The following ARHGAP42 variants were observed in gnomAD, a reference collection of about 807,000 sequenced individuals.
The protein encoded by ARHGAP42 is rho GTPase-activating protein 42.
Under a neutral mutation model 125.0 loss-of-function variants are expected in ARHGAP42, and 63 were observed. That is an observed-to-expected ratio of 0.50 (90% CI 0.41 to 0.62). ARHGAP42 has a LOEUF of 0.62. ARHGAP42 is among the 20% of genes least tolerant of loss of function. The probability of loss-of-function intolerance (pLI) is 0.00; values close to 1 mark genes in which losing one functional copy is unlikely to be tolerated. For missense variants in ARHGAP42, 766 were observed against 1,024.2 expected, an observed-to-expected ratio of 0.75 and a Z score of 3.44; for synonymous variants, 339 against 351.0, an observed-to-expected ratio of 0.97 and a Z score of 0.38.
intron 3 of ARHGAP42, among the ~76,000 whole-genome samples, chr11:100,858,117 G>GTGTGTGTT (rs1555012594): frequency 0.017 from 2,317 of 134,618 alleles, 32 homozygotes; most frequent in African/African-American, 0.033. Context: ...GTGTGTGTGT[G>GTGTGTGTT]TGTGTGTTTA....
chr11:100,860,077 A>G (rs755771133), intron 4 of ARHGAP42, among the ~76,000 whole-genome samples: 7 of 152,282 alleles, frequency 4.6e-5, no homozygotes, highest in Middle Eastern at 3.4e-3. Flanking sequence ...TTAATTGACT[A>G]TGGACCAATT....
intron 4 of ARHGAP42, among the ~76,000 whole-genome samples, chr11:100,866,335 A>G (rs1295114571): frequency 6.6e-6 from 1 of 152,222 alleles, no homozygotes; most frequent in Non-Finnish European, 1.5e-5. Context: ...GCTTAGAATC[A>G]GCTTCTTCCA....
intron 5 of ARHGAP42, among the ~76,000 whole-genome samples, chr11:100,914,081 T>TGTGCCA (rs1463870634): frequency 6.6e-6 from 1 of 152,058 alleles, no homozygotes; most frequent in African/African-American, 2.4e-5. Flanking sequence ...ATTACAGGCA[T>TGTGCCA]GTGCCACCAA....
intron 1 of ARHGAP42, among the ~76,000 whole-genome samples, chr11:100,701,274 C>A (rs2120203948): frequency 6.6e-6 from 1 of 151,624 alleles, no homozygotes; most frequent in Non-Finnish European, 1.5e-5. Flanking sequence ...TAGCATGCTT[C>A]TTAAGGAGTC....
At chr11:100,696,319 A>G (rs1263985464) in intron 1 of ARHGAP42, among the ~76,000 whole-genome samples, 4 of 152,104 alleles carry the variant, frequency 2.6e-5, no homozygotes, top group Non-Finnish European at 4.4e-5. Flanking sequence ...TTTAGATTCT[A>G]TGGTAAAATG....
intron 3 of ARHGAP42, among the ~76,000 whole-genome samples, chr11:100,858,188 T>C (rs551558374): frequency 5.9e-5 from 9 of 151,584 alleles, no homozygotes; most frequent in African/African-American, 2.2e-4. Context: ...AGTGAGCTAT[T>C]TTACTACTAT....
chr11:100,821,655 C>G (rs1864408464), intron 3 of ARHGAP42, among the ~76,000 whole-genome samples: 1 of 151,344 alleles, frequency 6.6e-6, no homozygotes, highest in South Asian at 2.1e-4. Context: ...AAAAGAAAAC[C>G]AAGAAAGCAG....
At chr11:100,919,014 G>A (rs1867160766) in intron 5 of ARHGAP42, among the ~76,000 whole-genome samples, 1 of 152,132 alleles carries the variant, frequency 6.6e-6, no homozygotes, top group Non-Finnish European at 1.5e-5. Context: ...CATACTCGTG[G>A]CTATGATTTA....
At chr11:100,960,848 T>A in intron 13 of ARHGAP42, 67 bp from the exon 14 acceptor site, 1 of 1,084,874 alleles carries the variant, frequency 9.2e-7, no homozygotes, top group Non-Finnish European at 1.3e-6. Flanking sequence ...TATGTCTGAG[T>A]TTTTAACATT....
intron 3 of ARHGAP42, among the ~76,000 whole-genome samples, chr11:100,845,055 A>G (rs1037091088): frequency 2.6e-5 from 4 of 152,060 alleles, no homozygotes; most frequent in African/African-American, 9.7e-5. Context: ...CTATCAATCA[A>G]CAAGTGGATA....
intron 2 of ARHGAP42, among the ~76,000 whole-genome samples, chr11:100,793,421 A>G (rs1863621871): frequency 6.6e-6 from 1 of 152,230 alleles, no homozygotes; most frequent in Admixed American, 6.5e-5. Context: ...AGAAAAGACC[A>G]TTAATGTGTT....
chr11:100,952,638 T>A (rs982187967), intron 12 of ARHGAP42, among the ~76,000 whole-genome samples: 5 of 151,744 alleles, frequency 3.3e-5, no homozygotes, highest in Non-Finnish European at 5.9e-5. Flanking sequence ...AAAGAAACCC[T>A]GGCTCAAAGG....
chr11:100,905,940 G>A (rs1222719474), intron 4 of ARHGAP42, among the ~76,000 whole-genome samples: 2 of 152,178 alleles, frequency 1.3e-5, no homozygotes, highest in East Asian at 1.9e-4. Context: ...TGTTGCCATG[G>A]CACTCTGGCC....
intron 3 of ARHGAP42, among the ~76,000 whole-genome samples, chr11:100,839,114 C>T (rs1474556687): frequency 6.6e-6 from 1 of 152,052 alleles, no homozygotes; most frequent in East Asian, 1.9e-4. Flanking sequence ...TCCTGCTTAC[C>T]ACCTTTCTAG....
intron 4 of ARHGAP42, among the ~76,000 whole-genome samples, chr11:100,909,563 C>G (rs1299689402): frequency 1.3e-5 from 2 of 152,060 alleles, no homozygotes; most frequent in Non-Finnish European, 2.9e-5. Flanking sequence ...ATGCTGGTCT[C>G]GAACTCCTGA....
chr11:100,710,216 T>TA (rs1861538746), intron 1 of ARHGAP42, among the ~76,000 whole-genome samples: 2 of 152,228 alleles, frequency 1.3e-5, no homozygotes, highest in East Asian at 3.9e-4. Context: ...TAACATTGTA[T>TA]TTTTTCAATG....
At chr11:100,812,580 C>T (rs1281161994) in intron 3 of ARHGAP42, among the ~76,000 whole-genome samples, 2 of 152,128 alleles carry the variant, frequency 1.3e-5, no homozygotes, top group Non-Finnish European at 2.9e-5. Flanking sequence ...AGGAAGGCCT[C>T]AGTGAGTAAA....
At chr11:100,779,445 C>CAAAA (rs869248095) in intron 2 of ARHGAP42, among the ~76,000 whole-genome samples, 12 of 54,448 alleles carry the variant, frequency 2.2e-4, no homozygotes, top group African/African-American at 2.7e-4. Context: ...GACTGCGTCT[C>CAAAA]AAAAAAAAAA....
rs142800964 is a variant in ARHGAP42 at position 100,927,081 on chromosome 11, C to T, written c.597+5477C>T. ...CTGCTAAATTCAATTTAAATTTTTT[C>T]GCTGAAGAAAATTTGCCTAATTTGC... is the stretch of plus-strand genomic sequence containing the variant. On this transcript the variant is annotated intron_variant, in intron 6 of 23. Transcript: ENST00000298815. 6.2e-3 allele frequency among the ~76,000 whole-genome samples: 948 copies of T among 152,162 alleles called. 5 individuals are homozygous for T. Among genetic ancestry groups the T allele is most frequent in the African/African-American group, 0.021 (888 of 41,516 alleles).
Sources: allele counts gnomAD v4.1 joint callset (sites outside exome capture counted in the v4.1 genomes callset), GRCh38; gene constraint gnomAD v4.1.1; transcripts MANE v1.5; gene names NCBI Gene and HGNC (gene_info 2026-07-23, HGNC 2026-07-21).